The following ASIC1 variants were observed in gnomAD, a reference collection of about 807,000 sequenced individuals.
ASIC1 encodes the protein acid-sensing ion channel 1.
A neutral mutation model predicts 63.4 loss-of-function variants in ASIC1; 21 were observed. The observed-to-expected ratio is 0.33, with a 90% CI of 0.23 to 0.48. The LOEUF (loss-of-function observed/expected upper bound fraction) is 0.48, where lower values mean the gene tolerates loss of function less well. Ranked by LOEUF, ASIC1 falls within the 20% of genes least tolerant of loss-of-function variation. The probability of loss-of-function intolerance (pLI) is 0.99; values close to 1 mark genes in which losing one functional copy is unlikely to be tolerated. For missense variants in ASIC1, 478 were observed against 695.5 expected, an observed-to-expected ratio of 0.69 and a Z score of 3.52; for synonymous variants, 258 against 278.2, an observed-to-expected ratio of 0.93 and a Z score of 0.72.
chr12:50,064,925 C>T (rs1211713806), intron 3 of ASIC1, among the ~76,000 whole-genome samples: 5 of 152,030 alleles, frequency 3.3e-5, no homozygotes, highest in Non-Finnish European at 5.9e-5. Context: ...AAGTGCAGCA[C>T]GGAAGGTTCA....
chr12:50,058,418 C>G (rs966368460), intron 1 of ASIC1, among the ~76,000 whole-genome samples: 18 of 152,196 alleles, frequency 1.2e-4, no homozygotes, highest in Non-Finnish European at 1.5e-4. Flanking sequence ...CCCAGAGTGA[C>G]CCCACATCTG....
At chr12:50,072,433 A>G (rs1006253686) in intron 3 of ASIC1, among the ~76,000 whole-genome samples, 1 of 152,270 alleles carries the variant, frequency 6.6e-6, no homozygotes, top group African/African-American at 2.4e-5. Context: ...CAGAGGGGCC[A>G]GGGGCCTGGG....
chr12:50,070,739 C>G (rs1565728438), intron 3 of ASIC1: 1 of 152,232 alleles, frequency 6.6e-6, no homozygotes, highest in East Asian at 1.9e-4. Flanking sequence ...CCACTCCACC[C>G]AAGTCTGGAA....
chr12:50,080,447 G>T, intron 8 of ASIC1, 51 bp from the exon 9 acceptor site: 2 of 1,564,202 alleles, frequency 1.3e-6, no homozygotes, highest in South Asian at 1.1e-5. Context: ...TGGTTAGTAA[G>T]AGATAGAGAT....
chr12:50,060,548 CTGTT>C (rs1950491990), intron 3 of ASIC1, among the ~76,000 whole-genome samples: 1 of 152,212 alleles, frequency 6.6e-6, no homozygotes, highest in African/African-American at 2.4e-5. Flanking sequence ...GACACATACA[CTGTT>C]TGGTTAGGTT....
chr12:50,064,006 C>T (rs1036792223), intron 3 of ASIC1, among the ~76,000 whole-genome samples: 3 of 152,136 alleles, frequency 2.0e-5, no homozygotes, highest in Admixed American at 6.5e-5. Context: ...AAAGGCTGCC[C>T]AGACTGCCAT....
Position 50,059,188 on chromosome 12 carries a change from A to G in ASIC1, c.362+60A>G, listed in dbSNP as rs1344374550. On this transcript the variant is annotated intron_variant, in intron 2 of 11. Transcript: ENST00000447966. The surrounding 1 kb of genome is among the most constrained non-coding windows in gnomAD (Gnocchi z 4.6). ...TGGAGTTGCTTGAGTTCCAGTCAGG[A>G]TGTCTGCCTCCCTGACCCACCATAG... The G allele has an allele frequency of 4.4e-6, 7 of 1,579,758 alleles. No homozygotes were observed. Among genetic ancestry groups the G allele is most frequent in the East Asian group, 2.2e-5 (1 of 44,630 alleles).
Position 50,078,212 on chromosome 12 carries a change from A to C in ASIC1, c.837+85A>C. 6.5e-7 allele frequency: 1 copy of C among 1,548,560 alleles called. No homozygotes were observed. Among genetic ancestry groups the C allele is most frequent in the Non-Finnish European group, 8.7e-7 (1 of 1,149,638 alleles). ...GTGGGCAATCAGTAATGGGAAGGAC[A>C]GGTGAGCAAGGACCTGGGTGGTAAT... On this transcript the variant is annotated intron_variant, in intron 5 of 11. Transcript: ENST00000447966. This position sits in a 1 kb window ranked among gnomAD's most constrained non-coding sequence, Gnocchi z 6.0.
chr12:50,078,657 C>T lies in ASIC1; in HGVS notation c.994+80C>T. The T allele has an allele frequency of 6.3e-7, 1 of 1,580,034 alleles. No individual in the cohort carries two copies. Among genetic ancestry groups the T allele is most frequent in the Non-Finnish European group, 8.6e-7 (1 of 1,159,494 alleles). On this transcript the variant is annotated intron_variant, in intron 6 of 11. Coordinates refer to ENST00000447966, the MANE Select transcript of ASIC1 (RefSeq NM_001095.4). The surrounding 1 kb of genome is among the most constrained non-coding windows in gnomAD (Gnocchi z 6.0). ...TCACTAGCTCCCCATCCATATCAAT[C>T]TCCCAACCCCAGTTCCAGCCCACCC... is the stretch of plus-strand genomic sequence containing the variant.
chr12:50,059,000 C>A lies in ASIC1; in HGVS notation c.234C>A (p.Asp78Glu). The stretch of plus-strand genomic sequence containing the variant: ...ACTACCACCATGTCACCAAGCTCGA[C>A]GAGGTGGCTGCCTCTCAGCTTACCT... The part of the protein sequence containing the change: ...YFHYHHVTKL[D>E]EVAASQLTFP... Residue 78 changes from aspartate (D) to glutamate (E), a missense_variant, in exon 2 of 12, where the codon GAC becomes GAA. Coordinates refer to ENST00000447966, the MANE Select transcript of ASIC1 (RefSeq NM_001095.4). 1 of 1,614,222 alleles carries A rather than the reference C, an allele frequency of 6.2e-7. No homozygotes were observed. Among genetic ancestry groups the A allele is most frequent in the Non-Finnish European group, 8.5e-7 (1 of 1,180,036 alleles).
intron 3 of ASIC1, chr12:50,070,740 A>C (rs1292197907): frequency 6.6e-6 from 1 of 152,216 alleles, no homozygotes; most frequent in Non-Finnish European, 1.5e-5. Context: ...CACTCCACCC[A>C]AGTCTGGAAG....
At chr12:50,073,964 C>T in intron 3 of ASIC1, 1 of 1,535,860 alleles carries the variant, frequency 6.5e-7, no homozygotes, top group Non-Finnish European at 8.7e-7. Flanking sequence ...AACGAAGTGG[C>T]CACCACGGAG....
chr12:50,080,918 T>C, intron 9 of ASIC1, 184 bp from the exon 10 acceptor site: 2 of 824,380 alleles, frequency 2.4e-6, no homozygotes, highest in African/African-American at 1.7e-5. Flanking sequence ...TTTAGAAAGG[T>C]AGAAAAACGC....
chr12:50,060,897 C>T (rs1296575912), intron 3 of ASIC1, among the ~76,000 whole-genome samples: 1 of 152,146 alleles, frequency 6.6e-6, no homozygotes, highest in Admixed American at 6.5e-5. Context: ...TCTAGGCTCC[C>T]CTCAATCCCC....
intron 11 of ASIC1, 63 bp downstream of exon 11, chr12:50,081,427 TCCACCCCCGC>T: frequency 1.4e-6 from 2 of 1,411,160 alleles, no homozygotes; most frequent in Non-Finnish European, 1.9e-6. Flanking sequence ...AGGAACCCCG[TCCACCCCCGC>T]CCACCCGCCT....
chr12:50,074,858 C>CTGTGTGTG lies in ASIC1; in HGVS notation c.559-2354_559-2353insGTGTGTGT, dbSNP rs1392742315. 4.7e-5 allele frequency among the ~76,000 whole-genome samples: 6 copies of CTGTGTGTG among 127,178 alleles called. No homozygotes were observed. Among genetic ancestry groups the CTGTGTGTG allele is most frequent in the African/African-American group, 1.9e-4 (6 of 32,150 alleles). The allele number at this position is 127,178 out of a possible 152,430, so 83.4% of individuals were successfully genotyped here. A position where few individuals can be genotyped will look rare whatever the true frequency, so the allele number is the denominator to read the frequency against. On this transcript the variant is annotated intron_variant, in intron 3 of 11. Coordinates refer to ENST00000447966, the MANE Select transcript of ASIC1 (RefSeq NM_001095.4). This position sits in a 1 kb window ranked among gnomAD's most constrained non-coding sequence, Gnocchi z 4.2. ...CCTATGGACGCCCCACCCCCACCAG[C>CTGTGTGTG]TCTGTGTGTGTGTGTGTGTGTGTGT...
intron 3 of ASIC1, among the ~76,000 whole-genome samples, chr12:50,071,266 C>CTTTTTTTTTTTTT (rs34556615): frequency 2.5e-5 from 3 of 119,806 alleles, no homozygotes; most frequent in African/African-American, 9.7e-5. Context: ...TTGCTTTCAG[C>CTTTTTTTTTTTTT]TTTTTTTTTT....
chr12:50,078,175 C>T lies in ASIC1; in HGVS notation c.837+48C>T. ...GTCCTGGGGTGGGGTATTGAGGGGT[C>T]CAGATGGAGTGGTGGGCAATCAGTA... On this transcript the variant is annotated intron_variant, in intron 5 of 11. Transcript: ENST00000447966. The surrounding 1 kb of genome is among the most constrained non-coding windows in gnomAD (Gnocchi z 6.0). 6.3e-7 allele frequency: 1 copy of T among 1,584,098 alleles called. No individual in the cohort carries two copies. The highest frequency in any genetic ancestry group is 1.8e-5 in the Admixed American group (1 of 55,256).
At position 50,078,407 on chromosome 12, in the gene ASIC1, G is replaced by T. The variant is rs1255639798; in HGVS notation, c.838-14G>T. The T allele has an allele frequency of 1.2e-6, 2 of 1,613,544 alleles. No individual in the cohort carries two copies. The highest frequency in any genetic ancestry group is 2.2e-5 in the East Asian group (1 of 44,874). On this transcript the variant is annotated splice_polypyrimidine_tract_variant and intron_variant, in intron 5 of 11. Coordinates refer to ENST00000447966, the MANE Select transcript of ASIC1 (RefSeq NM_001095.4). The surrounding 1 kb of genome is among the most constrained non-coding windows in gnomAD (Gnocchi z 6.0). The stretch of plus-strand genomic sequence containing the variant: ...AGTCCCCGCACTCCCCCAGCTCCCC[G>T]GCTCTCCCAGCAGCTCATCTACCTG...
Sources: allele counts gnomAD v4.1 joint callset (sites outside exome capture counted in the v4.1 genomes callset), GRCh38; gene constraint gnomAD v4.1.1; non-coding constraint Gnocchi (gnomAD v3.1); transcripts MANE v1.5; gene names NCBI Gene and HGNC (gene_info 2026-07-23, HGNC 2026-07-21).